The following PDLIM3 variants were observed in gnomAD, a reference collection of about 807,000 sequenced individuals.
PDLIM3 encodes the protein PDZ and LIM domain protein 3.
PDLIM3 carries 36 observed loss-of-function variants against 37.3 expected under a neutral mutation model. That is an observed-to-expected ratio of 0.97 (90% CI 0.74 to 1.28). The LOEUF is 1.28. Among genes scored for constraint, PDLIM3 ranks in the 50% most tolerant of loss-of-function variants. The probability of loss-of-function intolerance (pLI) is 0.00; values close to 1 mark genes in which losing one functional copy is unlikely to be tolerated. For synonymous variants in PDLIM3, 174 were observed against 182.4 expected (o/e 0.95, Z 0.37); for missense variants, 454 against 485.0 (o/e 0.94, Z 0.60).
chr4:185,501,648 T>C lies in PDLIM3; in HGVS notation c.*646A>G, dbSNP rs1305451762. 1 of 152,894 alleles carries C rather than the reference T, an allele frequency of 6.5e-6. No individual in the cohort carries two copies. Among genetic ancestry groups the C allele is most frequent in the African/African-American group, 2.4e-5 (1 of 41,452 alleles). 9.5% of individuals were successfully genotyped at this position (152,894 alleles called of 1,614,324 possible). On this transcript the variant is annotated 3_prime_UTR_variant, in exon 8 of 8. Transcript: ENST00000284767. ...AGTTATAAAACCTGAAGAAGCCACATTTATCTTAAAATATTTGTTAGTGTA... is the reference window on the plus strand; with the variant it reads ...AGTTATAAAACCTGAAGAAGCCACACTTATCTTAAAATATTTGTTAGTGTA...
chr4:185,506,974 T>C (rs1318432353), intron 5 of PDLIM3: 4 of 271,154 alleles, frequency 1.5e-5, no homozygotes, highest in Non-Finnish European at 2.2e-5. Flanking sequence ...GGATACATAA[T>C]GATAGATGTG....
chr4:185,514,266 T>C lies in PDLIM3; in HGVS notation c.398+4A>G. The C allele has an allele frequency of 6.2e-7, 1 of 1,614,254 alleles. No homozygotes were observed. Among genetic ancestry groups the C allele is most frequent in the African/African-American group, 1.3e-5 (1 of 75,062 alleles). On this transcript the variant is annotated splice_donor_region_variant and intron_variant, in intron 4 of 7. Coordinates refer to ENST00000284767, the MANE Select transcript of PDLIM3 (RefSeq NM_014476.6). This position sits in a 1 kb window ranked among gnomAD's most constrained non-coding sequence, Gnocchi z 4.0. ...GCAAACTCCACAGTCTCAGCGCTTA[T>C]GACCTGCTTCGGCCCGGGATCACGA...
intron 1 of PDLIM3, among the ~76,000 whole-genome samples, chr4:185,527,347 T>A (rs1369237475): frequency 1.3e-5 from 2 of 152,224 alleles, no homozygotes; most frequent in Non-Finnish European, 2.9e-5. Context: ...AGCTATCTAA[T>A]TGCGGTTCTA....
At chr4:185,534,861 T>A (rs1199273551) in intron 1 of PDLIM3, among the ~76,000 whole-genome samples, 1 of 152,196 alleles carries the variant, frequency 6.6e-6, no homozygotes, top group African/African-American at 2.4e-5. Context: ...AGCGCGCTGC[T>A]GAACTTTTCA....
At chr4:185,527,675 T>A (rs932645455) in intron 1 of PDLIM3, among the ~76,000 whole-genome samples, 10 of 152,220 alleles carry the variant, frequency 6.6e-5, no homozygotes, top group African/African-American at 2.4e-4. Flanking sequence ...AAAAATAATC[T>A]TAAACTTTTA....
intron 3 of PDLIM3, chr4:185,516,152 C>G (rs888244688): frequency 1.2e-4 from 18 of 152,352 alleles, no homozygotes; most frequent in African/African-American, 4.1e-4. Context: ...CCACTTGCCT[C>G]GGCCTCCCAG....
At chr4:185,511,365 CT>C (rs959819074) in intron 4 of PDLIM3, among the ~76,000 whole-genome samples, 1 of 78,754 alleles carries the variant, frequency 1.3e-5, no homozygotes, top group African/African-American at 7.0e-5. Flanking sequence ...GTCCAACTTA[CT>C]ACTTTTTTTT....
intron 1 of PDLIM3, among the ~76,000 whole-genome samples, chr4:185,532,800 G>A (rs1397463759): frequency 6.6e-6 from 1 of 152,236 alleles, no homozygotes; most frequent in Non-Finnish European, 1.5e-5. Context: ...GTAAGAATAT[G>A]CTGTGTGAAT....
intron 2 of PDLIM3, among the ~76,000 whole-genome samples, 158 bp from the exon 3 acceptor site, chr4:185,523,604 A>G (rs894882364): frequency 1.4e-5 from 2 of 146,542 alleles, no homozygotes; most frequent in East Asian, 2.0e-4. Flanking sequence ...ATTTTCCCAC[A>G]TAATTAGTCT....
rs779988849 is a variant in PDLIM3, at chr4:185,504,533, C to T, written c.847G>A (p.Gly283Ser). 2.0e-5 allele frequency: 33 copies of T among 1,614,224 alleles called. No homozygotes were observed. Among genetic ancestry groups the T allele is most frequent in the Non-Finnish European group, 2.6e-5 (31 of 1,180,034 alleles). The stretch of plus-strand genomic sequence containing the variant: ...ATCCTCTGTGCCCCGCCTGAACCGC[C>T]ATGGACTTTCGTCACCGGAGCTCTC... ...SVRAPVTKVH[G>S]GSGGAQRMPL... is the part of the protein sequence containing the mutation. The change falls in exon 7 of 8, where the codon GGC (glycine) becomes AGC (serine). Residue 283 changes from glycine to serine, a missense_variant. Coordinates refer to ENST00000284767, the MANE Select transcript of PDLIM3 (RefSeq NM_014476.6). The surrounding 1 kb of genome is among the most constrained non-coding windows in gnomAD (Gnocchi z 4.7).
In PDLIM3 at chr4:185,506,541, T is replaced by A. The variant is rs370141697; in HGVS notation, c.774A>T (p.Gly258=). ...RQSGSFRVLQ[G]MVDDGSDDRP... is the part of the protein sequence containing the mutation. ...GCTCACCAGAGCCATCGTCCACCATTCCCTGGAGCACTCTGAAGGAGCCCG... is the reference window on the plus strand; with the variant it reads ...GCTCACCAGAGCCATCGTCCACCATACCCTGGAGCACTCTGAAGGAGCCCG... The change falls in exon 6 of 8, where the codon GGA becomes GGT. Residue 258 remains glycine (G), a synonymous_variant. Transcript: ENST00000284767. 3.2e-5 allele frequency: 52 copies of A among 1,613,574 alleles called. No homozygotes were observed. Among genetic ancestry groups the A allele is most frequent in the Non-Finnish European group, 4.3e-5 (51 of 1,180,010 alleles).
At position 185,525,044 on chromosome 4, in the gene PDLIM3, T is replaced by C; in HGVS notation, c.221A>G (p.His74Arg). Residue 74 changes from histidine to arginine, a missense_variant, in exon 2 of 8, where the codon CAC becomes CGC. Coordinates refer to ENST00000284767, the MANE Select transcript of PDLIM3 (RefSeq NM_014476.6). ...CCTGTCAATTTTGAGACACAGCTGG[T>C]GAGCTGCTGCTTTAATCCTGTCCTG... ...DAQDRIKAAA[H>R]QLCLKIDRGE... is the part of the protein sequence containing the mutation. The C allele has an allele frequency of 1.2e-6, 2 of 1,614,160 alleles. No homozygotes were observed. Among genetic ancestry groups the C allele is most frequent in the Non-Finnish European group, 1.7e-6 (2 of 1,179,992 alleles).
At chr4:185,512,882 C>T (rs1237509780) in intron 4 of PDLIM3, 2 of 985,324 alleles carry the variant, frequency 2.0e-6, no homozygotes, top group African/African-American at 1.7e-5. Context: ...GGAAAAGATG[C>T]AGATGAGAAC....
chr4:185,525,039 G>T lies in PDLIM3; in HGVS notation c.226C>A (p.Leu76Met), dbSNP rs1209984769. The T allele has an allele frequency of 6.2e-7, 1 of 1,614,056 alleles. No homozygotes were observed. The highest frequency in any genetic ancestry group is 1.3e-5 in the African/African-American group (1 of 74,924). ...AAGCACCTGTCAATTTTGAGACACA[G>T]CTGGTGAGCTGCTGCTTTAATCCTG... The part of the protein sequence containing the change: ...QDRIKAAAHQ[L>M]CLKIDRGETH... Residue 76 changes from leucine to methionine, a missense_variant, in exon 2 of 8, where the codon CTG (leucine) becomes ATG (methionine). Leu to Met is a conservative substitution (Grantham distance 15). Transcript: ENST00000284767.
chr4:185,512,327 C>G (rs2095707897), intron 4 of PDLIM3: 1 of 152,146 alleles, frequency 6.6e-6, no homozygotes, highest in Non-Finnish European at 1.5e-5. Flanking sequence ...GTGATTCGCC[C>G]ACCTCTGTCT....
At chr4:185,523,620 C>T (rs1408475787) in intron 2 of PDLIM3, among the ~76,000 whole-genome samples, 174 bp from the exon 3 acceptor site, 5 of 150,828 alleles carry the variant, frequency 3.3e-5, no homozygotes, top group African/African-American at 1.2e-4. Context: ...AGTCTTCCCC[C>T]CCCCTTTTTT....
chr4:185,516,215 T>C (rs1336076492), intron 3 of PDLIM3: 1 of 152,234 alleles, frequency 6.6e-6, no homozygotes, highest in Non-Finnish European at 1.5e-5. Context: ...ATCTTTCTAT[T>C]TGGCAGAATT....
In PDLIM3 at chr4:185,504,470, CT is replaced by C; in HGVS notation, c.905+4del. 1 of 1,605,482 alleles carries C rather than the reference CT, an allele frequency of 6.2e-7. No individual in the cohort carries two copies. Among genetic ancestry groups the C allele is most frequent in the Non-Finnish European group, 8.5e-7 (1 of 1,172,152 alleles). On this transcript the variant is annotated splice_donor_region_variant and intron_variant, in intron 7 of 7. Coordinates refer to ENST00000284767, the MANE Select transcript of PDLIM3 (RefSeq NM_014476.6). The surrounding 1 kb of genome is among the most constrained non-coding windows in gnomAD (Gnocchi z 4.7). The stretch of plus-strand genomic sequence containing the variant: ...GTAAATTCCAGGGTTAAAAGTGAAA[CT>C]TACACTATGCCACTCCCACATTTGT...
intron 1 of PDLIM3, among the ~76,000 whole-genome samples, chr4:185,526,519 A>G (rs1232300857): frequency 6.6e-6 from 1 of 152,224 alleles, no homozygotes; most frequent in East Asian, 1.9e-4. Flanking sequence ...CCATAATTTA[A>G]AATATTTAAA....
Sources: allele counts gnomAD v4.1 joint callset (sites outside exome capture counted in the v4.1 genomes callset), GRCh38; gene constraint gnomAD v4.1.1; non-coding constraint Gnocchi (gnomAD v3.1); transcripts MANE v1.5; gene names NCBI Gene and HGNC (gene_info 2026-07-23, HGNC 2026-07-21).